DIP2C: variants seen among roughly 807,000 people sequenced by gnomAD.
The protein encoded by DIP2C is disco-interacting protein 2 homolog C.
Under a neutral mutation model 192.4 loss-of-function variants are expected in DIP2C, and 33 were observed. The ratio of observed to expected loss-of-function variants is 0.17; its 90% CI spans 0.13 to 0.23. The LOEUF (loss-of-function observed/expected upper bound fraction) is 0.23, where lower values mean the gene tolerates loss of function less well. DIP2C is among the 10% of genes least tolerant of loss of function. The probability of loss-of-function intolerance (pLI) is 1.00; values close to 1 mark genes in which losing one functional copy is unlikely to be tolerated. For synonymous variants in DIP2C, 979 were observed against 864.1 expected, an observed-to-expected ratio of 1.13 and a Z score of -2.33; for missense variants, 1,537 against 2,110.1, an observed-to-expected ratio of 0.73 and a Z score of 5.32.
intron 29 of DIP2C, among the ~76,000 whole-genome samples, chr10:336,421 A>G (rs1394221980): frequency 2.0e-5 from 3 of 152,204 alleles, no homozygotes; most frequent in Non-Finnish European, 4.4e-5. Context: ...CAGCACATAC[A>G]ATCATGTCTT....
chr10:577,957 GATT>G (rs1275187506), intron 1 of DIP2C, among the ~76,000 whole-genome samples: 3 of 152,026 alleles, frequency 2.0e-5, no homozygotes, highest in Admixed American at 6.6e-5. Context: ...TGAAAAATCA[GATT>G]ATTCTTGCAA....
intron 4 of DIP2C, chr10:437,583 T>C (rs1967371202): frequency 1.3e-5 from 2 of 152,282 alleles, no homozygotes; most frequent in Middle Eastern, 3.2e-3. Context: ...CTGGCACAGC[T>C]GTAGTCACAG....
chr10:600,722 TCA>T (rs967373592), intron 1 of DIP2C, among the ~76,000 whole-genome samples: 10 of 152,232 alleles, frequency 6.6e-5, no homozygotes, highest in Admixed American at 2.0e-4. Flanking sequence ...AAGGAGATTT[TCA>T]CAGTCTCATT....
intron 32 of DIP2C, among the ~76,000 whole-genome samples, chr10:300,211 T>C (rs1029697192): frequency 6.6e-6 from 1 of 152,174 alleles, no homozygotes; most frequent in Admixed American, 6.5e-5. Flanking sequence ...TATAAACCCA[T>C]GTTCACAGCA....
intron 1 of DIP2C, among the ~76,000 whole-genome samples, chr10:645,388 G>A (rs1855395570): frequency 6.6e-6 from 1 of 152,158 alleles, no homozygotes; most frequent in Non-Finnish European, 1.5e-5. Flanking sequence ...AACTTGGGAG[G>A]CCACTGGTCA....
chr10:591,539 T>C (rs1479175220), intron 1 of DIP2C, among the ~76,000 whole-genome samples: 13 of 152,184 alleles, frequency 8.5e-5, no homozygotes, highest in Admixed American at 8.5e-4. Flanking sequence ...GAAGTACAAA[T>C]AAAACATCAT....
intron 3 of DIP2C, 52 bp from the exon 4 acceptor site, chr10:441,048 C>T: frequency 6.4e-7 from 1 of 1,571,576 alleles, no homozygotes; most frequent in African/African-American, 1.3e-5. Context: ...TCCCAGAGGC[C>T]AAGCTGCACC....
intron 1 of DIP2C, among the ~76,000 whole-genome samples, chr10:542,029 G>A (rs1180734868): frequency 6.6e-6 from 1 of 152,170 alleles, no homozygotes; most frequent in Admixed American, 6.5e-5. Context: ...CTGCACACTT[G>A]GCTCTTCTAT....
In DIP2C at chr10:682,223, C is replaced by A. The variant is rs187632382; in HGVS notation, c.85+7271G>T. Among the ~76,000 whole-genome samples the A allele has an allele frequency of 1.1e-3, 175 of 152,354 alleles. 3 individuals carry two copies. The highest frequency in any genetic ancestry group is 9.3e-3 in the Admixed American group (142 of 15,300). On this transcript the variant is annotated intron_variant, in intron 1 of 36. Coordinates refer to ENST00000280886, the MANE Select transcript of DIP2C (RefSeq NM_014974.3). ...CGCACTCAGGACCCTGCGCTGGGCA[C>A]ACTGGGGCCTCTCCAGCAGAAGATC...
At position 532,228 on chromosome 10, in the gene DIP2C, G is replaced by A. The variant is rs147640895; in HGVS notation, c.86-45698C>T. ...AAAGTCACAGGGGCTCATCCTGGAA[G>A]CCCATCCAGTTACCCACTCATGTCC... is the stretch of plus-strand genomic sequence containing the variant. On this transcript the variant is annotated intron_variant, in intron 1 of 36. Transcript: ENST00000280886. 3.9e-5 allele frequency among the ~76,000 whole-genome samples: 6 copies of A among 152,260 alleles called. No homozygotes were observed. In the East Asian group the frequency reaches 1.2e-3, roughly 29 times the overall value.
chr10:549,722 C>G (rs943115192), intron 1 of DIP2C, among the ~76,000 whole-genome samples: 1 of 152,194 alleles, frequency 6.6e-6, no homozygotes, highest in Non-Finnish European at 1.5e-5. Context: ...TCACTTTTCA[C>G]TCCCTACTCC....
At chr10:589,154 T>C (rs567725812) in intron 1 of DIP2C, among the ~76,000 whole-genome samples, 1 of 152,290 alleles carries the variant, frequency 6.6e-6, no homozygotes, top group African/African-American at 2.4e-5. Context: ...CCTGTTCAGG[T>C]CTCTGCCCGC....
intron 1 of DIP2C, among the ~76,000 whole-genome samples, chr10:534,319 T>TG (rs2130873527): frequency 6.6e-6 from 1 of 152,258 alleles, no homozygotes; most frequent in East Asian, 1.9e-4. Flanking sequence ...TTCCTGCTGG[T>TG]GGGGACAGAG....
intron 32 of DIP2C, among the ~76,000 whole-genome samples, chr10:307,631 A>T (rs766835018): frequency 7.2e-5 from 11 of 151,836 alleles, no homozygotes; most frequent in South Asian, 2.1e-4. Context: ...GACGGAGGGG[A>T]CCACAGACAG....
At chr10:679,066 G>A (rs1292489799) in intron 1 of DIP2C, among the ~76,000 whole-genome samples, 1 of 4,522 alleles carries the variant, frequency 2.2e-4, no homozygotes, top group African/African-American at 2.9e-4. Context: ...TCCTCCCCGC[G>A]CCCATGCTCC....
intron 31 of DIP2C, 136 bp downstream of exon 31, chr10:326,870 C>T (rs1192048833): frequency 2.7e-5 from 28 of 1,048,198 alleles, no homozygotes; most frequent in Admixed American, 8.8e-5. Flanking sequence ...CTGCACCAAC[C>T]GCATGCGTGT....
At chr10:398,353 C>A (rs996652283) in intron 10 of DIP2C, among the ~76,000 whole-genome samples, 2 of 152,108 alleles carry the variant, frequency 1.3e-5, no homozygotes, top group African/African-American at 4.8e-5. Context: ...TAGATAAACT[C>A]TTTCAACCAA....
intron 3 of DIP2C, among the ~76,000 whole-genome samples, chr10:458,874 AAAG>A (rs1218334511): frequency 6.6e-6 from 1 of 152,222 alleles, no homozygotes; most frequent in Non-Finnish European, 1.5e-5. Flanking sequence ...ACATTTGCTG[AAAG>A]AATACTAGAA....
intron 1 of DIP2C, among the ~76,000 whole-genome samples, chr10:631,463 G>A (rs1452842837): frequency 1.3e-5 from 2 of 152,230 alleles, no homozygotes; most frequent in African/African-American, 2.4e-5. Context: ...CTGTGGCCAC[G>A]TCTGACATGC....
Sources: allele counts gnomAD v4.1 joint callset (sites outside exome capture counted in the v4.1 genomes callset), GRCh38; gene constraint gnomAD v4.1.1; transcripts MANE v1.5; gene names NCBI Gene and HGNC (gene_info 2026-07-23, HGNC 2026-07-21).